ENTHD1: variants seen among roughly 807,000 people sequenced by gnomAD.
The protein encoded by ENTHD1 is ENTH domain containing 1, also known as ENTH domain-containing protein 1.
In ENTHD1, 23 loss-of-function variants were observed where a neutral mutation model predicts 39.1. The ratio of observed to expected loss-of-function variants is 0.59; its 90% CI spans 0.42 to 0.83. The LOEUF is 0.83. ENTHD1 is among the 40% of genes least tolerant of loss of function. The pLI is 0.00. For synonymous variants in ENTHD1, 230 were observed against 258.2 expected, an observed-to-expected ratio of 0.89 and a Z score of 1.05; for missense variants, 624 against 705.4, an observed-to-expected ratio of 0.88 and a Z score of 1.31.
chr22:39,743,140 C>T lies in ENTHD1; in HGVS notation c.*539G>A, dbSNP rs2065072625. ...GACAGTAAAAACATTTGCCCCATGT[C>T]CTTCTTGTTTCCATTTAACTCCTAA... On this transcript the variant is annotated 3_prime_UTR_variant, in exon 7 of 7. Transcript: ENST00000325157. 1 of 152,246 alleles carries T rather than the reference C, an allele frequency of 6.6e-6. No individual in the cohort carries two copies. The highest frequency in any genetic ancestry group is 2.4e-5 in the African/African-American group (1 of 41,440). 9.4% of individuals were successfully genotyped at this position (152,246 alleles called of 1,614,324 possible). A position where few individuals can be genotyped will look rare whatever the true frequency, so the allele number is the denominator to read the frequency against.
chr22:39,859,628 C>T (rs2066123732), intron 3 of ENTHD1, among the ~76,000 whole-genome samples: 1 of 152,126 alleles, frequency 6.6e-6, no homozygotes, highest in South Asian at 2.1e-4. Context: ...CACATGACAT[C>T]TATCAGTAAG....
chr22:39,772,874 G>A (rs918183104), intron 5 of ENTHD1, among the ~76,000 whole-genome samples: 2 of 151,958 alleles, frequency 1.3e-5, no homozygotes, highest in African/African-American at 4.8e-5. Context: ...GGTATTAGTA[G>A]AGATAAAAAG....
At chr22:39,828,670 C>T (rs970555559) in intron 4 of ENTHD1, among the ~76,000 whole-genome samples, 2 of 152,136 alleles carry the variant, frequency 1.3e-5, no homozygotes, top group Non-Finnish European at 1.5e-5. Flanking sequence ...ATGGAAACAA[C>T]TGAGACCAAA....
At chr22:39,769,929 T>C (rs1423540222) in intron 5 of ENTHD1, among the ~76,000 whole-genome samples, 1 of 152,198 alleles carries the variant, frequency 6.6e-6, no homozygotes, top group Non-Finnish European at 1.5e-5. Flanking sequence ...TCTCACAACA[T>C]AACTCCAGAA....
At chr22:39,879,321 G>A (rs922332881) in intron 2 of ENTHD1, among the ~76,000 whole-genome samples, 18 of 151,628 alleles carry the variant, frequency 1.2e-4, no homozygotes, top group African/African-American at 3.4e-4. Context: ...AAATTAGCTC[G>A]GTGTGGTGGT....
At chr22:39,751,271 AC>A (rs2065145496) in intron 6 of ENTHD1, 1 of 154,344 alleles carries the variant, frequency 6.5e-6, no homozygotes, top group African/African-American at 2.4e-5. Flanking sequence ...AAGGCTGTTG[AC>A]CAAGGTATCA....
rs756040876 is a variant in ENTHD1 at position 39,743,699 on chromosome 22, C to A, written c.1804G>T (p.Gly602Trp). The change falls in exon 7 of 7, where the codon GGG becomes TGG. Residue 602 changes from glycine to tryptophan, a missense_variant. Coordinates refer to ENST00000325157, the MANE Select transcript of ENTHD1 (RefSeq NM_152512.4). Reference protein sequence around the residue: ...QSSQVPQSSEGSSDQI With the variant: ...QSSQVPQSSEWSSDQI ...GATGATTAGATCTGATCTGAGCTCC[C>A]CTCAGAAGACTGGGGGACCTGGGAA... 2.0e-5 allele frequency: 32 copies of A among 1,611,746 alleles called. No individual in the cohort carries two copies. The Admixed American group carries it at 5.3e-4, about 27-fold the overall frequency.
intron 5 of ENTHD1, among the ~76,000 whole-genome samples, chr22:39,784,433 A>C (rs959825770): frequency 1.3e-5 from 2 of 152,100 alleles, no homozygotes; most frequent in Admixed American, 1.3e-4. Flanking sequence ...TACAACAAAA[A>C]GATATTTGCA....
intron 6 of ENTHD1, among the ~76,000 whole-genome samples, chr22:39,752,053 T>C (rs964911991): frequency 1.3e-4 from 19 of 149,614 alleles, no homozygotes; most frequent in African/African-American, 4.6e-4. Flanking sequence ...AAAGCTTTAT[T>C]TCTCTCTCTC....
At chr22:39,772,802 C>T (rs373545772) in intron 5 of ENTHD1, among the ~76,000 whole-genome samples, 2 of 151,764 alleles carry the variant, frequency 1.3e-5, no homozygotes, top group Admixed American at 6.6e-5. Context: ...TACCATGGAA[C>T]GATAAGTATA....
chr22:39,804,452 C>CA (rs541007024), intron 5 of ENTHD1, among the ~76,000 whole-genome samples: 5,850 of 77,796 alleles, frequency 0.075, 255 homozygotes, highest in Admixed American at 0.18. Flanking sequence ...GACTCTGTCT[C>CA]AAAAAAAAAA....
At chr22:39,772,182 T>A (rs2065331899) in intron 5 of ENTHD1, among the ~76,000 whole-genome samples, 2 of 152,146 alleles carry the variant, frequency 1.3e-5, no homozygotes, top group Non-Finnish European at 2.9e-5. Context: ...TGGCATTAGA[T>A]TCTCATAAGG....
chr22:39,758,155 T>C (rs1307351678), intron 6 of ENTHD1, among the ~76,000 whole-genome samples: 1 of 152,220 alleles, frequency 6.6e-6, no homozygotes, highest in Non-Finnish European at 1.5e-5. Context: ...CTAGGTCTAG[T>C]AGCCTGTTTG....
At chr22:39,806,530 G>GCATTTCCAATGATA (rs1456652043) in intron 5 of ENTHD1, among the ~76,000 whole-genome samples, 2 of 152,164 alleles carry the variant, frequency 1.3e-5, no homozygotes, top group African/African-American at 4.8e-5. Context: ...CAATTGAGGG[G>GCATTTCCAATGATA]CATTTCCAAT....
At chr22:39,831,671 A>AC (rs2065870361) in intron 4 of ENTHD1, among the ~76,000 whole-genome samples, 1 of 151,896 alleles carries the variant, frequency 6.6e-6, no homozygotes, top group African/African-American at 2.4e-5. Flanking sequence ...CTAAAAATGT[A>AC]AAAAATTAGC....
chr22:39,780,826 G>A lies in ENTHD1; in HGVS notation c.833-15217C>T, dbSNP rs781013270. 3.3e-4 allele frequency among the ~76,000 whole-genome samples: 50 copies of A among 152,058 alleles called. 1 individual carries two copies. The highest frequency in any genetic ancestry group is 1.0e-3 in the South Asian group (5 of 4,812). On this transcript the variant is annotated intron_variant, in intron 5 of 6. Coordinates refer to ENST00000325157, the MANE Select transcript of ENTHD1 (RefSeq NM_152512.4). ...ATGCTGGCTAACACAGTGAAACCCC[G>A]TCTCTACTAAAAATACAAAAAAATT...
chr22:39,743,989 A>C lies in ENTHD1; in HGVS notation c.1514T>G (p.Ile505Arg), dbSNP rs1246304176. 6.2e-7 allele frequency: 1 copy of C among 1,614,150 alleles called. No homozygotes were observed. The highest frequency in any genetic ancestry group is 1.6e-4 in the Middle Eastern group (1 of 6,062). Residue 505 changes from isoleucine (I) to arginine (R), a missense_variant, in exon 7 of 7, where the codon ATA becomes AGA. Ile to Arg is a moderately conservative substitution (Grantham distance 97). Coordinates refer to ENST00000325157, the MANE Select transcript of ENTHD1 (RefSeq NM_152512.4). ...CCAGTGACTACTAGAAATGTGACTT[A>C]TATTCTTTTTAGCAGAATCAGAGTT... ...PNNSDSAKKN[I>R]SHISSSHWGE...
chr22:39,861,706 T>C (rs2066141714), intron 3 of ENTHD1, 59 bp downstream of exon 3: 1 of 1,296,910 alleles, frequency 7.7e-7, no homozygotes, highest in Non-Finnish European at 1.0e-6. Context: ...ATATTTTATA[T>C]TTTTAAATCA....
intron 1 of ENTHD1, 132 bp downstream of exon 1, chr22:39,893,563 G>A (rs2066446714): frequency 6.6e-6 from 1 of 152,338 alleles, no homozygotes; most frequent in South Asian, 2.1e-4. Context: ...CCTGCGGATG[G>A]TAATGGCCTC....
Sources: gnomAD v4.1 joint callset for allele counts (sites outside exome capture counted in the v4.1 genomes callset) on GRCh38, gnomAD v4.1.1 for gene constraint, MANE v1.5 for transcripts, NCBI Gene and HGNC (gene_info 2026-07-23, HGNC 2026-07-21) for gene names.